Variants in NOL4 observed in about 807,000 individuals in gnomAD.
NOL4 encodes the protein cancer/testis antigen 125.
A neutral mutation model predicts 75.9 loss-of-function variants in NOL4; 17 were observed. That is an observed-to-expected ratio of 0.22 (90% CI 0.15 to 0.34). NOL4 has a LOEUF of 0.34. Ranked by LOEUF, NOL4 falls within the 10% of genes least tolerant of loss-of-function variation. The pLI is 1.00. For missense variants in NOL4, 614 were observed against 793.5 expected, an observed-to-expected ratio of 0.77 and a Z score of 2.72; for synonymous variants, 292 against 289.9, an observed-to-expected ratio of 1.01 and a Z score of -0.07.
At chr18:34,145,413 C>T (rs1234766532) in intron 1 of NOL4, among the ~76,000 whole-genome samples, 1 of 151,750 alleles carries the variant, frequency 6.6e-6, no homozygotes, top group East Asian at 1.9e-4. Context: ...ATGATTTAAA[C>T]TTCCTAATTT....
At chr18:33,889,416 TTC>T (rs1470903409) in intron 9 of NOL4, among the ~76,000 whole-genome samples, 3 of 151,982 alleles carry the variant, frequency 2.0e-5, no homozygotes, top group South Asian at 4.1e-4. Context: ...ACCAGACAGA[TTC>T]CAGGACCAGA....
At chr18:34,042,509 A>G (rs1305587506) in intron 5 of NOL4, among the ~76,000 whole-genome samples, 1 of 152,056 alleles carries the variant, frequency 6.6e-6, no homozygotes, top group Non-Finnish European at 1.5e-5. Context: ...AGTAAAGTGT[A>G]GGAGAGGTAG....
At chr18:33,963,648 T>A (rs573511937) in intron 6 of NOL4, among the ~76,000 whole-genome samples, 2 of 152,212 alleles carry the variant, frequency 1.3e-5, no homozygotes, top group East Asian at 1.9e-4. Flanking sequence ...AAAACACAGG[T>A]GTTGGCTTAT....
At chr18:33,904,775 A>C (rs1599817191) in intron 9 of NOL4, among the ~76,000 whole-genome samples, 1 of 152,268 alleles carries the variant, frequency 6.6e-6, no homozygotes, top group South Asian at 2.1e-4. Context: ...GATAGTGGGG[A>C]AGAAACTTAC....
intron 6 of NOL4, among the ~76,000 whole-genome samples, chr18:33,984,868 T>C (rs1367592886): frequency 1.3e-5 from 2 of 152,118 alleles, no homozygotes; most frequent in South Asian, 4.1e-4. Context: ...CTACATTTTT[T>C]CGACTCTGGA....
At chr18:34,135,260 C>T (rs970474995) in intron 1 of NOL4, among the ~76,000 whole-genome samples, 17 of 151,830 alleles carry the variant, frequency 1.1e-4, no homozygotes, top group African/African-American at 4.1e-4. Flanking sequence ...AAAAGAATCA[C>T]AAAAACCCAT....
chr18:34,221,975 G>A lies in NOL4; in HGVS notation c.264+1015C>T, dbSNP rs1426649768. ...CCCAAAGCGAGGCAAAAATACAAAG[G>A]ATGCCAGATAGCCTCCCCCATCCCT... On this transcript the variant is annotated intron_variant, in intron 1 of 10. Transcript: ENST00000261592. 6 of 1,481,132 alleles carry A rather than the reference G, an allele frequency of 4.1e-6. No individual in the cohort carries two copies. In the South Asian group the frequency reaches 4.9e-5, roughly 12 times the overall value. The allele number at this position is 1,481,132 out of a possible 1,614,324, so 91.7% of individuals were successfully genotyped here. A position where few individuals can be genotyped will look rare whatever the true frequency, so the allele number is the denominator to read the frequency against.
Position 33,969,316 on chromosome 18 carries a change from C to T in NOL4, c.1057-10898G>A, listed in dbSNP as rs956338751. On this transcript the variant is annotated intron_variant, in intron 6 of 10. Transcript: ENST00000261592. ...ATGGACTGAAGTTTATTGCAACTCA[C>T]TTCTCATTATCAGAGAAATATTCTT... Among the ~76,000 whole-genome samples, 5 of 152,198 alleles carry T rather than the reference C, an allele frequency of 3.3e-5. No individual in the cohort carries two copies. In the East Asian group the frequency reaches 9.7e-4, roughly 29 times the overall value.
intron 1 of NOL4, among the ~76,000 whole-genome samples, chr18:34,138,521 T>A (rs2080997642): frequency 1.3e-5 from 2 of 152,158 alleles, no homozygotes; most frequent in Admixed American, 1.3e-4. Context: ...GACAAAATGT[T>A]CCAAAATTAG....
At chr18:34,009,019 T>A (rs1449293914) in intron 6 of NOL4, among the ~76,000 whole-genome samples, 1 of 151,996 alleles carries the variant, frequency 6.6e-6, no homozygotes, top group Non-Finnish European at 1.5e-5. Flanking sequence ...CCTGCCATCT[T>A]GCCCTCATTC....
At chr18:34,190,461 T>A (rs1388020139) in intron 1 of NOL4, among the ~76,000 whole-genome samples, 1 of 151,982 alleles carries the variant, frequency 6.6e-6, no homozygotes, top group East Asian at 1.9e-4. Flanking sequence ...TTGTATTATG[T>A]TTATATATTC....
At chr18:34,037,174 C>A (rs1017039393) in intron 5 of NOL4, among the ~76,000 whole-genome samples, 1 of 152,034 alleles carries the variant, frequency 6.6e-6, no homozygotes, top group African/African-American at 2.4e-5. Context: ...ATTCCACTTA[C>A]AATAGCTACA....
intron 5 of NOL4, among the ~76,000 whole-genome samples, chr18:34,064,696 C>A (rs775116411): frequency 3.3e-5 from 5 of 151,776 alleles, no homozygotes; most frequent in Admixed American, 1.3e-4. Flanking sequence ...CTCTCTATGA[C>A]ACATAATTCA....
intron 9 of NOL4, among the ~76,000 whole-genome samples, chr18:33,901,731 T>C (rs909302119): frequency 6.6e-6 from 1 of 152,074 alleles, no homozygotes; most frequent in Non-Finnish European, 1.5e-5. Context: ...GAATTCTAGT[T>C]GACATAATAA....
At chr18:33,853,419 T>G (rs557844955) in intron 10 of NOL4, among the ~76,000 whole-genome samples, 102 of 152,208 alleles carry the variant, frequency 6.7e-4, no homozygotes, top group Non-Finnish European at 1.3e-3. Context: ...TTACATTCAT[T>G]AACAGATATC....
chr18:34,090,572 G>C (rs1048810572), intron 5 of NOL4, among the ~76,000 whole-genome samples: 2 of 151,796 alleles, frequency 1.3e-5, no homozygotes, highest in East Asian at 3.9e-4. Context: ...GGAAGAGGGA[G>C]TTGAAGCCTG....
At chr18:33,929,238 C>A (rs140687487) in intron 9 of NOL4, among the ~76,000 whole-genome samples, 259 of 152,268 alleles carry the variant, frequency 1.7e-3, no homozygotes, top group African/African-American at 6.2e-3. Flanking sequence ...GATTTCTTCA[C>A]AACAATCTCA....
At chr18:34,055,521 G>C (rs1169043938) in intron 5 of NOL4, among the ~76,000 whole-genome samples, 1 of 151,840 alleles carries the variant, frequency 6.6e-6, no homozygotes, top group African/African-American at 2.4e-5. Flanking sequence ...TTTTTCCCTT[G>C]CTGCTTTCAC....
At chr18:34,040,472 C>T (rs1280591820) in intron 5 of NOL4, among the ~76,000 whole-genome samples, 1 of 151,908 alleles carries the variant, frequency 6.6e-6, no homozygotes, top group African/African-American at 2.4e-5. Context: ...ATGCTTCAAT[C>T]ATGAATATGT....
Sources: allele counts gnomAD v4.1 joint callset (sites outside exome capture counted in the v4.1 genomes callset), GRCh38; gene constraint gnomAD v4.1.1; transcripts MANE v1.5; gene names NCBI Gene and HGNC (gene_info 2026-07-23, HGNC 2026-07-21).